Variants in HTR1F observed in about 807,000 individuals in gnomAD.
HTR1F encodes 5-hydroxytryptamine receptor 1F, also known as 5-hydroxytryptamine (serotonin) receptor 1F, G protein-coupled.
Under a neutral mutation model 24.0 loss-of-function variants are expected in HTR1F, and 17 were observed. That is an observed-to-expected ratio of 0.71 (90% CI 0.48 to 1.06). The LOEUF (loss-of-function observed/expected upper bound fraction) is 1.06, where lower values mean the gene tolerates loss of function less well. Ranked by LOEUF, HTR1F falls within the 50% of genes least tolerant of loss-of-function variation. The pLI is 0.00. For synonymous variants in HTR1F, 186 were observed against 156.8 expected (o/e 1.19, Z -1.39); for missense variants, 391 against 427.8 (o/e 0.91, Z 0.76).
At chr3:87,903,189 C>T (rs1706371689) in intron 2 of HTR1F, among the ~76,000 whole-genome samples, 1 of 151,746 alleles carries the variant, frequency 6.6e-6, no homozygotes, top group Non-Finnish European at 1.5e-5. Context: ...AAAACCTAGG[C>T]ATTACCATTC....
At chr3:87,927,736 C>T (rs1471047716) in intron 2 of HTR1F, among the ~76,000 whole-genome samples, 1 of 152,130 alleles carries the variant, frequency 6.6e-6, no homozygotes, top group Non-Finnish European at 1.5e-5. Flanking sequence ...ATTTATGCAA[C>T]ACATACTTTT....
chr3:87,885,520 C>T (rs892749151), intron 2 of HTR1F, among the ~76,000 whole-genome samples: 8 of 151,896 alleles, frequency 5.3e-5, no homozygotes, highest in South Asian at 2.1e-4. Flanking sequence ...GATAGAGACA[C>T]AAAAAACCCT....
chr3:87,935,900 G>T (rs55879630), intron 2 of HTR1F, among the ~76,000 whole-genome samples: 13,699 of 152,008 alleles, frequency 0.09, 664 homozygotes, highest in African/African-American at 0.12. Flanking sequence ...ACCCAGGCTG[G>T]AGTGCAGTGG....
intron 2 of HTR1F, among the ~76,000 whole-genome samples, chr3:87,970,008 A>G (rs1705252913): frequency 6.6e-6 from 1 of 152,194 alleles, no homozygotes; most frequent in African/African-American, 2.4e-5. Context: ...GCCTTCTGCC[A>G]TGATTGTGAG....
intron 2 of HTR1F, among the ~76,000 whole-genome samples, chr3:87,936,025 A>G (rs1011942577): frequency 2.6e-5 from 4 of 151,906 alleles, no homozygotes; most frequent in African/African-American, 7.3e-5. Context: ...TAATTTTTCT[A>G]TATTTGTAGA....
chr3:87,932,970 C>A (rs1332627699), intron 2 of HTR1F, among the ~76,000 whole-genome samples: 16 of 148,992 alleles, frequency 1.1e-4, no homozygotes, highest in African/African-American at 4.0e-4. Context: ...TACTGGCAAA[C>A]CAAATCCAGC....
chr3:87,903,899 C>T (rs1208845149), intron 2 of HTR1F, among the ~76,000 whole-genome samples: 2 of 151,992 alleles, frequency 1.3e-5, no homozygotes, highest in Admixed American at 1.3e-4. Flanking sequence ...TGATACACAG[C>T]TAAGAATTTC....
intron 2 of HTR1F, among the ~76,000 whole-genome samples, chr3:87,886,562 C>T (rs1187036691): frequency 2.6e-5 from 4 of 152,162 alleles, no homozygotes; most frequent in Non-Finnish European, 4.4e-5. Context: ...TCCCTGTTTG[C>T]AGATGACATG....
intron 2 of HTR1F, among the ~76,000 whole-genome samples, chr3:87,845,583 A>T (rs1270021532): frequency 2.4e-4 from 36 of 150,898 alleles, no homozygotes; most frequent in African/African-American, 8.9e-4. Context: ...GAAATAAAAG[A>T]GGATACAAAC....
intron 2 of HTR1F, among the ~76,000 whole-genome samples, chr3:87,864,513 C>T (rs1409679781): frequency 6.6e-6 from 1 of 152,158 alleles, no homozygotes; most frequent in Non-Finnish European, 1.5e-5. Context: ...ACTCTGTCCT[C>T]AGGTTCTTCA....
chr3:87,905,735 CAAA>C (rs36028043), intron 2 of HTR1F, among the ~76,000 whole-genome samples: 14 of 141,716 alleles, frequency 9.9e-5, no homozygotes, highest in Admixed American at 2.1e-4. Flanking sequence ...CTTTATTTAG[CAAA>C]AAAAAAAAAA....
At chr3:87,832,421 G>A (rs866440212) in intron 2 of HTR1F, among the ~76,000 whole-genome samples, 6 of 148,584 alleles carry the variant, frequency 4.0e-5, no homozygotes, top group African/African-American at 1.2e-4. Context: ...TCTTCCTCCC[G>A]GGTTGAAGCA....
intron 2 of HTR1F, among the ~76,000 whole-genome samples, chr3:87,934,583 AG>A (rs1461953789): frequency 6.6e-6 from 1 of 152,178 alleles, no homozygotes; most frequent in Non-Finnish European, 1.5e-5. Flanking sequence ...AACTATCTTC[AG>A]TGGGACTTTA....
chr3:87,928,669 A>G (rs1300396528), intron 2 of HTR1F, among the ~76,000 whole-genome samples: 1 of 151,992 alleles, frequency 6.6e-6, no homozygotes, highest in Non-Finnish European at 1.5e-5. Context: ...TGATTCTCCT[A>G]CTTTACGTTT....
intron 2 of HTR1F, among the ~76,000 whole-genome samples, chr3:87,979,235 A>C (rs368941578): frequency 2.6e-5 from 4 of 152,148 alleles, no homozygotes; most frequent in East Asian, 3.9e-4. Flanking sequence ...AATACCAAGG[A>C]GTAGCCTCAG....
intron 2 of HTR1F, among the ~76,000 whole-genome samples, chr3:87,937,435 T>G (rs1319981018): frequency 6.6e-6 from 1 of 152,208 alleles, no homozygotes; most frequent in African/African-American, 2.4e-5. Context: ...CATGTGAGAA[T>G]GTCTAAACTG....
At chr3:87,946,642 T>TTTTG (rs61305370) in intron 2 of HTR1F, among the ~76,000 whole-genome samples, 3 of 139,052 alleles carry the variant, frequency 2.2e-5, no homozygotes, top group Admixed American at 7.2e-5. Flanking sequence ...TTTTTTTTTT[T>TTTTG]AAACAGTCTC....
In HTR1F at chr3:87,991,485, G is replaced by A. The variant is rs767696253; in HGVS notation, c.736G>A (p.Val246Ile). The A allele has an allele frequency of 9.3e-6, 15 of 1,613,934 alleles. No homozygotes were observed. The East Asian group carries it at 2.5e-4, about 26-fold the overall frequency. The change falls in exon 3 of 3, where the codon GTA becomes ATA. Residue 246 changes from valine to isoleucine, a missense_variant. Physicochemically the swap from Val to Ile is conservative, Grantham distance 29. Transcript: ENST00000319595. ...CACTAAATCAGTTTCCACATCCTAT[G>A]TACTAGAAAAGTCTTTATCTGACCC... ...KSTKSVSTSYVLEKSLSDPST... is the reference protein window; with the variant it reads ...KSTKSVSTSYILEKSLSDPST...
rs1553684728 is a variant in HTR1F, at chr3:87,987,629, TA to T, written c.-42-3077del. On this transcript the variant is annotated intron_variant, in intron 2 of 2. Coordinates refer to ENST00000319595, the MANE Select transcript of HTR1F (RefSeq NM_001322209.2). ...AAAAATACGGAAATATATATATATATAATATATGTATTTTATATATATATAT... is the reference window on the plus strand; with the variant it reads ...AAAAATACGGAAATATATATATATATATATATGTATTTTATATATATATAT... Among the ~76,000 whole-genome samples, 7 of 67,838 alleles carry T rather than the reference TA, an allele frequency of 1.0e-4. 2 individuals carry two copies. Among genetic ancestry groups the T allele is most frequent in the Non-Finnish European group, 5.6e-5 (2 of 35,902 alleles). 44.5% of individuals were successfully genotyped at this position (67,838 alleles called of 152,430 possible). A position where few individuals can be genotyped will look rare whatever the true frequency, so the allele number is the denominator to read the frequency against.
Sources: allele counts gnomAD v4.1 joint callset (sites outside exome capture counted in the v4.1 genomes callset), GRCh38; gene constraint gnomAD v4.1.1; transcripts MANE v1.5; gene names NCBI Gene and HGNC (gene_info 2026-07-23, HGNC 2026-07-21).